ZNF536: variants seen among roughly 807,000 people sequenced by gnomAD.
ZNF536 encodes the protein zinc finger protein 536.
A neutral mutation model predicts 84.5 loss-of-function variants in ZNF536; 13 were observed. The observed-to-expected ratio is 0.15, with a 90% confidence interval of 0.10 to 0.24. ZNF536 has a LOEUF of 0.24. Ranked by LOEUF, ZNF536 falls within the 10% of genes least tolerant of loss-of-function variation. ZNF536 has a pLI of 1.00. For missense variants in ZNF536, 1,536 were observed against 1,747.5 expected (o/e 0.88, Z 2.16); for synonymous variants, 811 against 742.5 (o/e 1.09, Z -1.50).
Position 30,382,761 on chromosome 19 carries a change from A to G in ZNF536, c.-3+10205A>G, listed in dbSNP as rs368190042. 4.6e-5 allele frequency among the ~76,000 whole-genome samples: 7 copies of G among 152,232 alleles called. No individual in the cohort carries two copies. The South Asian group carries it at 1.2e-3, about 27-fold the overall frequency. ...ATCCCATGTGATCTACATGGTTGTG[A>G]TGAGGATGGAGGGAAGGGCAGGTGT... On this transcript the variant is annotated intron_variant, in intron 1 of 4. Transcript: ENST00000355537.
chr19:30,336,160 T>C (rs1237512051), intron 2 of ZNF536, among the ~76,000 whole-genome samples: 1 of 152,206 alleles, frequency 6.6e-6, no homozygotes, highest in Non-Finnish European at 1.5e-5. Flanking sequence ...GGTTCCAGCA[T>C]GAGAGTAAGG....
At chr19:30,320,188 A>G (rs2046808938) in intron 2 of ZNF536, among the ~76,000 whole-genome samples, 1 of 152,252 alleles carries the variant, frequency 6.6e-6, no homozygotes, top group African/African-American at 2.4e-5. Flanking sequence ...GATTAAAAAA[A>G]ACATTGATTA....
chr19:30,685,251 T>C lies in ZNF536; in HGVS notation c.170-25506T>C, dbSNP rs373033599. ...GCGACTGCACCCCTGTCTCCCATGC[T>C]TCATCTTCCACAGGGATGCAATGAC... On this transcript the variant is annotated intron_variant, in intron 1 of 1. Transcript: ENST00000592773. 2.8e-4 allele frequency among the ~76,000 whole-genome samples: 42 copies of C among 152,346 alleles called. No homozygotes were observed. In the East Asian group the frequency reaches 6.7e-3, roughly 24 times the overall value.
chr19:30,708,021 A>G (rs1302084804), intron 1 of ZNF536, among the ~76,000 whole-genome samples: 1 of 152,040 alleles, frequency 6.6e-6, no homozygotes. Context: ...AAAAAAAAAA[A>G]AAAGAAAATC....
intron 3 of ZNF536, among the ~76,000 whole-genome samples, chr19:30,357,861 C>T (rs2048149344): frequency 6.6e-6 from 1 of 152,172 alleles, no homozygotes; most frequent in Non-Finnish European, 1.5e-5. Flanking sequence ...TCCAGCTGTG[C>T]TGCCCTGCCC....
chr19:30,270,860 C>A (rs949548883), intron 1 of ZNF536, among the ~76,000 whole-genome samples: 2 of 150,728 alleles, frequency 1.3e-5, no homozygotes, highest in Non-Finnish European at 2.9e-5. Context: ...GGTATACAGT[C>A]GGTTAAGGTT....
intron 2 of ZNF536, among the ~76,000 whole-genome samples, chr19:30,446,757 A>G (rs1176923751): frequency 6.6e-6 from 1 of 152,106 alleles, no homozygotes; most frequent in African/African-American, 2.4e-5. Flanking sequence ...AAAATCTGTC[A>G]TCAAAATGTC....
In ZNF536 at chr19:30,250,480, T is replaced by A. The variant is rs550466710; in HGVS notation, c.-190+21807T>A. Among the ~76,000 whole-genome samples, 4 of 152,288 alleles carry A rather than the reference T, an allele frequency of 2.6e-5. No individual in the cohort carries two copies. The South Asian group carries it at 8.3e-4, about 32-fold the overall frequency. On this transcript the variant is annotated intron_variant, in intron 1 of 5. Coordinates refer to the ZNF536 transcript ENST00000585628. The stretch of plus-strand genomic sequence containing the variant: ...TGGGGCAGGTCTCTCTGGCATCGTG[T>A]GTCTGTCAAAGGGCTGTCTGCCCTT...
At chr19:30,305,240 C>T (rs1245721113) in intron 2 of ZNF536, among the ~76,000 whole-genome samples, 2 of 152,090 alleles carry the variant, frequency 1.3e-5, no homozygotes, top group Non-Finnish European at 2.9e-5. Flanking sequence ...GATCACCTGC[C>T]AGGAGTGAGC....
At chr19:30,260,866 G>A (rs531614825) in intron 1 of ZNF536, among the ~76,000 whole-genome samples, 1 of 152,308 alleles carries the variant, frequency 6.6e-6, no homozygotes, top group South Asian at 2.1e-4. Flanking sequence ...AGACCTTCAT[G>A]CTTCAGACCC....
At chr19:30,436,825 G>A (rs964692321) in intron 1 of ZNF536, among the ~76,000 whole-genome samples, 2 of 152,192 alleles carry the variant, frequency 1.3e-5, no homozygotes, top group African/African-American at 4.8e-5. Flanking sequence ...TACTAGAAGT[G>A]CATGTTATGA....
chr19:30,360,781 A>G (rs144517274), intron 3 of ZNF536, among the ~76,000 whole-genome samples: 1 of 152,304 alleles, frequency 6.6e-6, no homozygotes, highest in East Asian at 1.9e-4. Flanking sequence ...TGCGATATTA[A>G]TGGTGTGTGG....
At chr19:30,635,091 T>TGC (rs1240010984) in intron 1 of ZNF536, among the ~76,000 whole-genome samples, 17 of 152,178 alleles carry the variant, frequency 1.1e-4, no homozygotes, top group Admixed American at 2.0e-4. Context: ...TGTGTGTGTG[T>TGC]ATGCGCGTGC....
chr19:30,465,431 T>C (rs1051145928), intron 2 of ZNF536, among the ~76,000 whole-genome samples: 2 of 152,234 alleles, frequency 1.3e-5, no homozygotes, highest in African/African-American at 4.8e-5. Context: ...TTCCTGGTTT[T>C]CTTCTTCACT....
chr19:30,266,954 A>G (rs1241245894), intron 1 of ZNF536, among the ~76,000 whole-genome samples: 1 of 152,242 alleles, frequency 6.6e-6, no homozygotes. Context: ...AGGTGCAAAT[A>G]TGCAGAAAGC....
chr19:30,700,439 G>A (rs1056302049), intron 1 of ZNF536, among the ~76,000 whole-genome samples: 5 of 149,990 alleles, frequency 3.3e-5, no homozygotes, highest in Non-Finnish European at 7.4e-5. Context: ...CCAGGCTGCA[G>A]TGCACTGGCA....
At chr19:30,244,958 T>C (rs2024168113) in intron 1 of ZNF536, among the ~76,000 whole-genome samples, 1 of 152,184 alleles carries the variant, frequency 6.6e-6, no homozygotes, top group Non-Finnish European at 1.5e-5. Flanking sequence ...AAAAGTCCAC[T>C]TAAGGAGGGT....
intron 2 of ZNF536, among the ~76,000 whole-genome samples, chr19:30,345,638 G>A (rs2047716969): frequency 6.6e-6 from 1 of 152,218 alleles, no homozygotes; most frequent in South Asian, 2.1e-4. Flanking sequence ...GTCCTTATCT[G>A]CCTTCTGGGA....
intron 2 of ZNF536, among the ~76,000 whole-genome samples, chr19:30,332,594 T>G (rs2047249258): frequency 6.6e-6 from 1 of 152,140 alleles, no homozygotes; most frequent in Admixed American, 6.5e-5. Context: ...AAAATCAGAC[T>G]TCCCCAGTTG....
Sources: gnomAD v4.1 joint callset for allele counts (sites outside exome capture counted in the v4.1 genomes callset) on GRCh38, gnomAD v4.1.1 for gene constraint, MANE v1.5 for transcripts, NCBI Gene and HGNC (gene_info 2026-07-23, HGNC 2026-07-21) for gene names.